Variants in YWHAB observed in about 807,000 individuals in gnomAD.
The protein encoded by YWHAB is 14-3-3 protein beta/alpha.
A neutral mutation model predicts 28.5 loss-of-function variants in YWHAB; 2 were observed. The ratio of observed to expected loss-of-function variants is 0.07; its 90% CI spans 0.03 to 0.22. YWHAB has a LOEUF of 0.22. Among genes scored for constraint, YWHAB ranks in the 10% least tolerant of loss-of-function variants. The pLI, the probability that YWHAB is intolerant of heterozygous loss-of-function variation, is 1.00. For missense variants in YWHAB, 148 were observed against 297.1 expected, an observed-to-expected ratio of 0.50 and a Z score of 3.69; for synonymous variants, 103 against 104.7, an observed-to-expected ratio of 0.98 and a Z score of 0.10.
In YWHAB at chr20:44,904,075, T is replaced by C; in HGVS notation, c.383T>C (p.Phe128Ser). The C allele has an allele frequency of 6.2e-7, 1 of 1,609,082 alleles. No individual in the cohort carries two copies. The highest frequency in any genetic ancestry group is 1.1e-5 in the South Asian group (1 of 89,668). Residue 128 changes from phenylalanine (F) to serine (S), a missense_variant, in exon 3 of 6, where the codon TTT becomes TCT. Transcript: ENST00000353703. ...TACTTGAAAATGAAAGGAGATTATT[T>C]TAGGTATCTTTCTGAAGTGGCATCT... is the stretch of plus-strand genomic sequence containing the variant. Reference protein sequence around the residue: ...VFYLKMKGDYFRYLSEVASGD... With the variant: ...VFYLKMKGDYSRYLSEVASGD...
At chr20:44,892,851 C>T (rs1041940972) in intron 1 of YWHAB, among the ~76,000 whole-genome samples, 1 of 151,988 alleles carries the variant, frequency 6.6e-6, no homozygotes, top group South Asian at 2.1e-4. Context: ...AAAAGCAGAC[C>T]CCACCGTATA....
At position 44,906,013 on chromosome 20, in the gene YWHAB, GCAATT is replaced by G. The variant is rs2066653831; in HGVS notation, c.602_606del (p.Ala201GlyfsTer2). 1 of 1,612,758 alleles carries G rather than the reference GCAATT, an allele frequency of 6.2e-7. No homozygotes were observed. On this transcript the variant is annotated frameshift_variant, in exon 5 of 6. Coordinates refer to ENST00000353703, the MANE Select transcript of YWHAB (RefSeq NM_139323.4). LOFTEE classifies it high-confidence loss of function. ...CTCTTTGTTTTAGGCATTTGATGAA[GCAATT>G]GCTGAATTGGATACGCTGAATGAAG...
chr20:44,897,678 CT>C (rs2145532259), intron 1 of YWHAB, among the ~76,000 whole-genome samples: 1 of 152,052 alleles, frequency 6.6e-6, no homozygotes, highest in South Asian at 2.1e-4. Context: ...TGTTTTTTTC[CT>C]TCTTTATTTT....
chr20:44,890,383 G>T (rs528442695), intron 1 of YWHAB, among the ~76,000 whole-genome samples: 21 of 151,902 alleles, frequency 1.4e-4, no homozygotes, highest in Non-Finnish European at 2.2e-4. Context: ...CTCTGTCCAC[G>T]TAGGAAATAA....
intron 1 of YWHAB, among the ~76,000 whole-genome samples, chr20:44,893,679 C>G (rs115947992): frequency 6.8e-6 from 1 of 148,140 alleles, no homozygotes; most frequent in Non-Finnish European, 1.5e-5. Flanking sequence ...CCATCTATCT[C>G]CTTCCCTCCC....
chr20:44,902,587 G>C (rs1436323235), intron 2 of YWHAB: 1 of 152,178 alleles, frequency 6.6e-6, no homozygotes. Flanking sequence ...CACCTTCCCT[G>C]CTGGCTGCCT....
In YWHAB at chr20:44,906,879, T is replaced by C. The variant is rs2145542447; in HGVS notation, c.*441T>C. On this transcript the variant is annotated 3_prime_UTR_variant, in exon 6 of 6. Transcript: ENST00000353703. ...AGTTATAGAGATTATATTGTGATGC[T>C]GGAACTTGGAGTGAGACACACATCA... 1 of 155,086 alleles carries C rather than the reference T, an allele frequency of 6.4e-6. No individual in the cohort carries two copies. Among genetic ancestry groups the C allele is most frequent in the South Asian group, 2.0e-4 (1 of 5,058 alleles). The allele number at this position is 155,086 out of a possible 1,614,324, so 9.6% of individuals were successfully genotyped here.
At chr20:44,893,885 C>T (rs1011037926) in intron 1 of YWHAB, among the ~76,000 whole-genome samples, 1 of 151,780 alleles carries the variant, frequency 6.6e-6, no homozygotes, top group Admixed American at 6.6e-5. Context: ...TTAGTAGAAA[C>T]GGGGTTTCAC....
intron 3 of YWHAB, 88 bp from the exon 4 acceptor site, chr20:44,904,880 G>T: frequency 1.5e-6 from 2 of 1,354,942 alleles, no homozygotes; most frequent in South Asian, 1.6e-5. Flanking sequence ...TGCCCAGTTT[G>T]GGACTGAGAA....
At chr20:44,891,161 T>G (rs1690251077) in intron 1 of YWHAB, among the ~76,000 whole-genome samples, 1 of 151,920 alleles carries the variant, frequency 6.6e-6, no homozygotes, top group Admixed American at 6.5e-5. Context: ...CTCTGTCGCC[T>G]AGGCTGGAGT....
At chr20:44,893,222 A>C (rs928170490) in intron 1 of YWHAB, among the ~76,000 whole-genome samples, 1 of 152,112 alleles carries the variant, frequency 6.6e-6, no homozygotes, top group Non-Finnish European at 1.5e-5. Context: ...AGGAATTGGG[A>C]TAGAGGGGCT....
At position 44,906,887 on chromosome 20, in the gene YWHAB, G is replaced by A. The variant is rs2066661187; in HGVS notation, c.*449G>A. 6.5e-6 allele frequency: 1 copy of A among 154,592 alleles called. No homozygotes were observed. Among genetic ancestry groups the A allele is most frequent in the Non-Finnish European group, 1.4e-5 (1 of 69,282 alleles). The allele number at this position is 154,592 out of a possible 1,614,324, so 9.6% of individuals were successfully genotyped here. A position where few individuals can be genotyped will look rare whatever the true frequency, so the allele number is the denominator to read the frequency against. ...AGATTATATTGTGATGCTGGAACTT[G>A]GAGTGAGACACACATCATTTGGCAT... On this transcript the variant is annotated 3_prime_UTR_variant, in exon 6 of 6. Coordinates refer to ENST00000353703, the MANE Select transcript of YWHAB (RefSeq NM_139323.4).
chr20:44,888,641 T>C (rs979382115), intron 1 of YWHAB, among the ~76,000 whole-genome samples: 4 of 152,230 alleles, frequency 2.6e-5, no homozygotes, highest in African/African-American at 9.6e-5. Context: ...ATGGGAATAT[T>C]AGCTATTTTT....
chr20:44,887,677 A>G (rs908106972), intron 1 of YWHAB: 5 of 152,222 alleles, frequency 3.3e-5, no homozygotes, highest in African/African-American at 1.2e-4. Flanking sequence ...GGGCCGCTAC[A>G]AAAAGTGCAT....
chr20:44,892,550 A>G (rs1342616498), intron 1 of YWHAB, among the ~76,000 whole-genome samples: 3 of 152,164 alleles, frequency 2.0e-5, no homozygotes, highest in Admixed American at 6.5e-5. Flanking sequence ...GAATAATCCA[A>G]AGAGTTCTTA....
rs538327705 is a variant in YWHAB, at chr20:44,893,601, C to G, written c.-4+7715C>G. Among the ~76,000 whole-genome samples the G allele has an allele frequency of 2.5e-3, 373 of 152,050 alleles. 2 individuals carry two copies. The highest frequency in any genetic ancestry group is 3.4e-3 in the Non-Finnish European group (230 of 68,002). Reference sequence around the variant, plus strand: ...ATTGTGCAGCCTCGTCCCTCCAGCCCCCATTGCTCTTAAATAAATCTTTTC... The same window carrying G: ...ATTGTGCAGCCTCGTCCCTCCAGCCGCCATTGCTCTTAAATAAATCTTTTC... On this transcript the variant is annotated intron_variant, in intron 1 of 5. Coordinates refer to ENST00000353703, the MANE Select transcript of YWHAB (RefSeq NM_139323.4).
rs1453380065 is a variant in YWHAB at position 44,896,659 on chromosome 20, A to AG, written c.-3-4867dup. ...AATGGGTCTTACAGCAAAGGCATGG[A>AG]GGGGGCTGTAGATAATGAGTGACTG... On this transcript the variant is annotated intron_variant, in intron 1 of 5. Coordinates refer to ENST00000353703, the MANE Select transcript of YWHAB (RefSeq NM_139323.4). Among the ~76,000 whole-genome samples the AG allele has an allele frequency of 3.3e-5, 5 of 152,342 alleles. No homozygotes were observed. In the East Asian group the frequency reaches 9.6e-4, roughly 29 times the overall value.
chr20:44,888,309 C>T (rs1482947068), intron 1 of YWHAB, among the ~76,000 whole-genome samples: 1 of 152,212 alleles, frequency 6.6e-6, no homozygotes, highest in Non-Finnish European at 1.5e-5. Flanking sequence ...TTACCACTTA[C>T]AGTACTTACT....
intron 2 of YWHAB, chr20:44,903,169 T>C: frequency 1.1e-6 from 1 of 871,316 alleles, no homozygotes; most frequent in Non-Finnish European, 1.4e-6. Flanking sequence ...TATTAGCTAC[T>C]CTTTGAGTGC....
Sources: gnomAD v4.1 joint callset for allele counts (sites outside exome capture counted in the v4.1 genomes callset) on GRCh38, gnomAD v4.1.1 for gene constraint, MANE v1.5 for transcripts, NCBI Gene and HGNC (gene_info 2026-07-23, HGNC 2026-07-21) for gene names.